The following SHC3 variants were observed in gnomAD, a reference collection of about 807,000 sequenced individuals.
The protein encoded by SHC3 is SHC-transforming protein 3.
In SHC3, 15 loss-of-function variants were observed where a neutral mutation model predicts 60.4. The observed-to-expected ratio is 0.25, with a 90% confidence interval of 0.17 to 0.38. SHC3 has a LOEUF of 0.38. Ranked by LOEUF, SHC3 falls within the 10% of genes least tolerant of loss-of-function variation. SHC3 has a pLI of 1.00. For missense variants in SHC3, 677 were observed against 786.1 expected (o/e 0.86, Z 1.66); for synonymous variants, 294 against 325.9 (o/e 0.90, Z 1.05).
At chr9:89,046,511 T>C (rs1310776970) in intron 8 of SHC3, among the ~76,000 whole-genome samples, 2 of 152,166 alleles carry the variant, frequency 1.3e-5, no homozygotes, top group African/African-American at 4.8e-5. Flanking sequence ...GAGAACCCAA[T>C]GCCTCCCAAG....
chr9:89,166,563 C>T (rs1364149895), intron 1 of SHC3, among the ~76,000 whole-genome samples: 2 of 152,128 alleles, frequency 1.3e-5, no homozygotes, highest in Non-Finnish European at 2.9e-5. Context: ...CCAACAGCAT[C>T]AGGGTCTGCG....
intron 11 of SHC3, among the ~76,000 whole-genome samples, chr9:89,033,797 CA>C (rs1324799304): frequency 2.0e-5 from 3 of 152,086 alleles, no homozygotes; most frequent in Non-Finnish European, 4.4e-5. Context: ...AATGCAGAAA[CA>C]GGGGGTATAG....
At chr9:89,167,879 C>T (rs1318452624) in intron 1 of SHC3, among the ~76,000 whole-genome samples, 1 of 152,228 alleles carries the variant, frequency 6.6e-6, no homozygotes, top group African/African-American at 2.4e-5. Context: ...CTGCCTCTGG[C>T]TGTGACTCAA....
At chr9:89,161,153 C>T (rs563414516) in intron 1 of SHC3, among the ~76,000 whole-genome samples, 12 of 152,256 alleles carry the variant, frequency 7.9e-5, no homozygotes, top group African/African-American at 1.9e-4. Flanking sequence ...AATATAATCC[C>T]CATGTTGGAG....
chr9:89,121,101 A>G (rs973357395), intron 1 of SHC3, among the ~76,000 whole-genome samples: 1 of 152,152 alleles, frequency 6.6e-6, no homozygotes, highest in African/African-American at 2.4e-5. Context: ...TTATGGGCCT[A>G]CAAATCATAT....
intron 5 of SHC3, among the ~76,000 whole-genome samples, chr9:89,068,190 G>T (rs1181207601): frequency 6.6e-6 from 1 of 152,176 alleles, no homozygotes; most frequent in African/African-American, 2.4e-5. Context: ...TTCTATACCT[G>T]TTCCCACTCC....
chr9:89,085,809 T>A (rs974613896), intron 2 of SHC3, among the ~76,000 whole-genome samples: 2 of 151,984 alleles, frequency 1.3e-5, no homozygotes, highest in Non-Finnish European at 2.9e-5. Context: ...GGCATTAGAG[T>A]TCTAGAAATG....
intron 11 of SHC3, among the ~76,000 whole-genome samples, chr9:89,025,328 G>A (rs1268123857): frequency 6.6e-6 from 1 of 152,054 alleles, no homozygotes; most frequent in Non-Finnish European, 1.5e-5. Context: ...CTCATGCCTG[G>A]ATCCAGCCTA....
intron 2 of SHC3, among the ~76,000 whole-genome samples, chr9:89,106,755 C>T: frequency 6.6e-6 from 1 of 152,196 alleles, no homozygotes; most frequent in Non-Finnish European, 1.5e-5. Context: ...GGGAATGCAA[C>T]TGAAGATACC....
intron 5 of SHC3, among the ~76,000 whole-genome samples, chr9:89,070,639 G>A (rs1825255459): frequency 6.6e-6 from 1 of 152,140 alleles, no homozygotes; most frequent in South Asian, 2.1e-4. Flanking sequence ...TTAAAGATGT[G>A]AAGCAAAAAT....
At chr9:89,164,297 A>G (rs1826753553) in intron 1 of SHC3, among the ~76,000 whole-genome samples, 1 of 152,192 alleles carries the variant, frequency 6.6e-6, no homozygotes, top group South Asian at 2.1e-4. Flanking sequence ...AGAGGGCACC[A>G]GCTGTCTGAA....
intron 6 of SHC3, among the ~76,000 whole-genome samples, chr9:89,062,584 A>G (rs1211368632): frequency 1.3e-5 from 2 of 152,238 alleles, no homozygotes; most frequent in African/African-American, 4.8e-5. Flanking sequence ...ACAAACAGTA[A>G]CAGCATCGAG....
intron 1 of SHC3, among the ~76,000 whole-genome samples, chr9:89,138,962 A>T (rs1391486750): frequency 6.6e-6 from 1 of 151,942 alleles, no homozygotes; most frequent in Non-Finnish European, 1.5e-5. Context: ...AACATTGAGT[A>T]AGCTTATCCT....
At chr9:89,028,984 T>C (rs1824424388) in intron 11 of SHC3, among the ~76,000 whole-genome samples, 1 of 149,436 alleles carries the variant, frequency 6.7e-6, no homozygotes, top group Non-Finnish European at 1.5e-5. Context: ...TATATAGATA[T>C]AGATATCTAT....
chr9:89,169,666 G>A (rs547026898), intron 1 of SHC3, among the ~76,000 whole-genome samples: 35 of 151,764 alleles, frequency 2.3e-4, no homozygotes, highest in Non-Finnish European at 3.7e-4. Flanking sequence ...GGCAAAACCC[G>A]AAAGTCTGGA....
At chr9:89,151,443 C>A (rs1826544826) in intron 1 of SHC3, among the ~76,000 whole-genome samples, 1 of 152,284 alleles carries the variant, frequency 6.6e-6, no homozygotes, top group African/African-American at 2.4e-5. Context: ...GCACTTGTCC[C>A]TTCTGCCATG....
At chr9:89,124,876 G>GA (rs1314068991) in intron 1 of SHC3, among the ~76,000 whole-genome samples, 1 of 151,756 alleles carries the variant, frequency 6.6e-6, no homozygotes, top group African/African-American at 2.4e-5. Context: ...TAAGAAATCT[G>GA]AAAAAAGGAA....
intron 2 of SHC3, 39 bp from the exon 3 acceptor site, chr9:89,077,942 G>A (rs751283760): frequency 6.2e-7 from 1 of 1,611,316 alleles, no homozygotes; most frequent in African/African-American, 1.3e-5. Context: ...TTACGTGTCA[G>A]TCGGGATTAT....
intron 1 of SHC3, among the ~76,000 whole-genome samples, chr9:89,131,085 T>TTG (rs1826237502): frequency 6.6e-6 from 1 of 151,934 alleles, no homozygotes; most frequent in African/African-American, 2.4e-5. Context: ...TATCACCACC[T>TTG]ATCCCACAGA....
Sources: gnomAD v4.1 joint callset for allele counts (sites outside exome capture counted in the v4.1 genomes callset) on GRCh38, gnomAD v4.1.1 for gene constraint, MANE v1.5 for transcripts, NCBI Gene and HGNC (gene_info 2026-07-23, HGNC 2026-07-21) for gene names.